Variants in MCTP2 observed in about 807,000 individuals in gnomAD.
MCTP2 encodes multiple C2 and transmembrane domain containing 2, also known as multiple C2 and transmembrane domain-containing protein 2.
In MCTP2, 132 loss-of-function variants were observed where a neutral mutation model predicts 111.6. That is an observed-to-expected ratio of 1.18 (90% CI 1.03 to 1.37). The LOEUF (loss-of-function observed/expected upper bound fraction) is 1.37. Ranked by LOEUF, MCTP2 falls within the 40% of genes most tolerant of loss-of-function variation. The pLI is 0.00. For missense variants in MCTP2, 1,183 were observed against 1,067.9 expected, an observed-to-expected ratio of 1.11 and a Z score of -1.50; for synonymous variants, 395 against 387.7, an observed-to-expected ratio of 1.02 and a Z score of -0.22.
chr15:94,289,739 G>C (rs997228678), intron 1 of MCTP2, among the ~76,000 whole-genome samples: 1 of 152,186 alleles, frequency 6.6e-6, no homozygotes, highest in East Asian at 1.9e-4. Flanking sequence ...AGACCTATAC[G>C]CTGGTATGGT....
At chr15:94,292,317 AAAAG>A (rs1389485876) in intron 1 of MCTP2, among the ~76,000 whole-genome samples, 10 of 152,336 alleles carry the variant, frequency 6.6e-5, no homozygotes, top group African/African-American at 2.2e-4. Flanking sequence ...TAAGGCAAGA[AAAAG>A]AAAAGGCATA....
At position 94,379,744 on chromosome 15, in the gene MCTP2, TGATATATAA is replaced by T. The variant is rs1420693007; in HGVS notation, c.1583-4277_1583-4269del. 4.1e-5 allele frequency among the ~76,000 whole-genome samples: 6 copies of T among 147,066 alleles called. No individual in the cohort carries two copies. In the East Asian group the frequency reaches 1.2e-3, roughly 29 times the overall value. On this transcript the variant is annotated intron_variant, in intron 12 of 22. Transcript: ENST00000357742. Reference sequence around the variant, plus strand: ...AATATATAATGTGTAATATAATATATGATATATAATATATATAATATATGATATGTAATA... The same window carrying T: ...AATATATAATGTGTAATATAATATATTATATATAATATATGATATGTAATA...
intron 4 of MCTP2, among the ~76,000 whole-genome samples, chr15:94,318,481 G>C (rs552454935): frequency 6.6e-6 from 1 of 151,774 alleles, no homozygotes; most frequent in Admixed American, 6.6e-5. Context: ...ACGGAGTTTC[G>C]CCAGGCTGGT....
intron 1 of MCTP2, among the ~76,000 whole-genome samples, chr15:94,250,617 T>C (rs1488674913): frequency 6.6e-6 from 1 of 152,236 alleles, no homozygotes; most frequent in African/African-American, 2.4e-5. Flanking sequence ...TATCTATTTT[T>C]TTCTATTAGC....
chr15:94,361,044 T>A (rs1348221187), intron 10 of MCTP2, among the ~76,000 whole-genome samples: 1 of 150,706 alleles, frequency 6.6e-6, no homozygotes, highest in East Asian at 2.0e-4. Context: ...GACATGCTAC[T>A]TATGGTTCCT....
chr15:94,407,487 G>A (rs1050941517), intron 17 of MCTP2, among the ~76,000 whole-genome samples: 2 of 152,052 alleles, frequency 1.3e-5, no homozygotes, highest in Admixed American at 6.6e-5. Flanking sequence ...TTTAACATCT[G>A]TGACTTTTTT....
intron 17 of MCTP2, among the ~76,000 whole-genome samples, chr15:94,417,037 A>G (rs2082409207): frequency 6.6e-6 from 1 of 152,188 alleles, no homozygotes; most frequent in Non-Finnish European, 1.5e-5. Flanking sequence ...GGGGGCTGCT[A>G]TGAAAGTGTG....
chr15:94,344,154 T>C (rs190420774), intron 7 of MCTP2: 1 of 152,220 alleles, frequency 6.6e-6, no homozygotes, highest in East Asian at 1.9e-4. Flanking sequence ...CCAATATCAC[T>C]GGGGGACATG....
At chr15:94,357,019 T>G (rs896132362) in intron 9 of MCTP2, among the ~76,000 whole-genome samples, 3 of 152,050 alleles carry the variant, frequency 2.0e-5, no homozygotes, top group African/African-American at 7.2e-5. Context: ...CTGGGGTACT[T>G]GAAACTTAAA....
Position 94,245,923 on chromosome 15 carries a change from C to G in MCTP2, c.-66+14259C>G, listed in dbSNP as rs193213586. ...TTTTCTAGTTTCAAAAAACTTGTCTCCCTGGAGTGTCAAGCTTCATCTTCA... is the reference window on the plus strand; with the variant it reads ...TTTTCTAGTTTCAAAAAACTTGTCTGCCTGGAGTGTCAAGCTTCATCTTCA... On this transcript the variant is annotated intron_variant, in intron 1 of 22. Transcript: ENST00000357742. Among the ~76,000 whole-genome samples the G allele has an allele frequency of 1.5e-4, 23 of 152,014 alleles. No individual in the cohort carries two copies. In the East Asian group the frequency reaches 2.5e-3, roughly 17 times the overall value.
At chr15:94,470,906 G>A (rs1006704198) in intron 21 of MCTP2, among the ~76,000 whole-genome samples, 1 of 152,150 alleles carries the variant, frequency 6.6e-6, no homozygotes, top group Non-Finnish European at 1.5e-5. Context: ...AAATCCAGAA[G>A]CAGGGAGAGG....
intron 19 of MCTP2, among the ~76,000 whole-genome samples, chr15:94,454,968 GT>G (rs1192012904): frequency 6.6e-6 from 1 of 152,096 alleles, no homozygotes; most frequent in African/African-American, 2.4e-5. Flanking sequence ...TTACAGGCAT[GT>G]GCCACCACAA....
intron 20 of MCTP2, among the ~76,000 whole-genome samples, chr15:94,461,795 C>A (rs1352031939): frequency 6.6e-6 from 1 of 151,990 alleles, no homozygotes; most frequent in Non-Finnish European, 1.5e-5. Context: ...TTAAGTGGGG[C>A]TGGAATCCAG....
chr15:94,346,006 T>C (rs11074265), intron 8 of MCTP2, among the ~76,000 whole-genome samples: 76,053 of 151,818 alleles, frequency 0.5, 20,368 homozygotes, highest in African/African-American at 0.7. Flanking sequence ...TATGTGCACA[T>C]AAATACGCCA....
At position 94,479,144 on chromosome 15, in the gene MCTP2, G is replaced by A; in HGVS notation, c.*110G>A. 2 of 1,022,056 alleles carry A rather than the reference G, an allele frequency of 2.0e-6. No individual in the cohort carries two copies. The highest frequency in any genetic ancestry group is 2.4e-5 in the East Asian group (1 of 40,902). 63.3% of individuals were successfully genotyped at this position (1,022,056 alleles called of 1,614,324 possible). A position where few individuals can be genotyped will look rare whatever the true frequency, so the allele number is the denominator to read the frequency against. ...GGTGTCCTTCTGAAATGCATGCCCT[G>A]TGGCACCCTCTGTATACTTCCTCCT... On this transcript the variant is annotated 3_prime_UTR_variant, in exon 23 of 23. Coordinates refer to ENST00000357742, the MANE Select transcript of MCTP2 (RefSeq NM_001385001.1).
rs753515519 is a variant in MCTP2, at chr15:94,470,366, T to C, written c.2394T>C (p.Ser798=). The change falls in exon 21 of 23, where the codon TCT becomes TCC. Residue 798 remains serine, a synonymous_variant. Coordinates refer to ENST00000357742, the MANE Select transcript of MCTP2 (RefSeq NM_001385001.1). ...TFNWTVPFLS[S]LACLILAAAT... The stretch of plus-strand genomic sequence containing the variant: ...ACTGGACGGTCCCCTTCCTTTCATC[T>C]CTGGCCTGTTTGATTCTGGCAGCAG... 10 of 1,613,932 alleles carry C rather than the reference T, an allele frequency of 6.2e-6. No homozygotes were observed. Among genetic ancestry groups the C allele is most frequent in the Non-Finnish European group, 2.5e-6 (3 of 1,179,792 alleles).
chr15:94,309,166 G>A (rs2076019477), intron 2 of MCTP2, among the ~76,000 whole-genome samples: 1 of 152,160 alleles, frequency 6.6e-6, no homozygotes, highest in Admixed American at 6.5e-5. Flanking sequence ...TTGCCATGTA[G>A]CTCACTTTTC....
intron 14 of MCTP2, among the ~76,000 whole-genome samples, chr15:94,388,194 T>C (rs897476228): frequency 6.6e-6 from 1 of 152,220 alleles, no homozygotes; most frequent in Non-Finnish European, 1.5e-5. Context: ...AAAAGTGCTG[T>C]GTACATCCAG....
chr15:94,294,941 CTTTTTTTTTTTTTTTT>C (rs71133001), intron 1 of MCTP2, among the ~76,000 whole-genome samples: 1 of 73,988 alleles, frequency 1.4e-5, no homozygotes, highest in Non-Finnish European at 2.4e-5. Context: ...TTTTCTTTTC[CTTTTTTTTTTTTTTTT>C]TTTTTTTTTT....
Sources: allele counts gnomAD v4.1 joint callset (sites outside exome capture counted in the v4.1 genomes callset), GRCh38; gene constraint gnomAD v4.1.1; transcripts MANE v1.5; gene names NCBI Gene and HGNC (gene_info 2026-07-23, HGNC 2026-07-21).